The following VAMP4 variants were observed in gnomAD, a reference collection of about 807,000 sequenced individuals.
VAMP4 encodes vesicle-associated membrane protein 4.
Under a neutral mutation model 23.5 loss-of-function variants are expected in VAMP4, and 19 were observed. That is an observed-to-expected ratio of 0.81 (90% CI 0.56 to 1.19). VAMP4 has a LOEUF of 1.19. VAMP4 is among the 50% of genes most tolerant of loss of function. VAMP4 has a pLI of 0.00. For synonymous variants in VAMP4, 31 were observed against 51.0 expected (o/e 0.61, Z 1.67); for missense variants, 145 against 168.6 (o/e 0.86, Z 0.78).
At chr1:171,706,344 G>A (rs1280011301) in intron 7 of VAMP4, 23 bp downstream of exon 7, 1 of 1,595,264 alleles carries the variant, frequency 6.3e-7, no homozygotes, top group Non-Finnish European at 8.5e-7. Context: ...ACCCTAGGAA[G>A]TAATAATCCA....
At chr1:171,729,381 C>T (rs1195571810) in intron 2 of VAMP4, among the ~76,000 whole-genome samples, 2 of 152,116 alleles carry the variant, frequency 1.3e-5, no homozygotes, top group Admixed American at 1.3e-4. Flanking sequence ...TTCATAAAGA[C>T]CTTGAGTTTC....
In VAMP4 at chr1:171,719,240, C is replaced by G; in HGVS notation, c.114-19G>C. ...TCCCCTTCTGAAAACAAGTACATACCAAGTACATATTAGTAGTGACAGGAT... is the reference window on the plus strand; with the variant it reads ...TCCCCTTCTGAAAACAAGTACATACGAAGTACATATTAGTAGTGACAGGAT... On this transcript the variant is annotated intron_variant, in intron 3 of 7. Transcript: ENST00000236192. 6.2e-7 allele frequency: 1 copy of G among 1,600,860 alleles called. No individual in the cohort carries two copies. Among genetic ancestry groups the G allele is most frequent in the Non-Finnish European group, 8.5e-7 (1 of 1,170,810 alleles).
intron 2 of VAMP4, among the ~76,000 whole-genome samples, chr1:171,730,799 G>T (rs1471360698): frequency 6.6e-6 from 1 of 151,850 alleles, no homozygotes; most frequent in Non-Finnish European, 1.5e-5. Flanking sequence ...AGGCATAAGG[G>T]AATCTACCAT....
At chr1:171,731,422 T>TAA (rs199988521) in intron 2 of VAMP4, among the ~76,000 whole-genome samples, 5 of 140,402 alleles carry the variant, frequency 3.6e-5, no homozygotes, top group African/African-American at 1.3e-4. Flanking sequence ...ATAATAATAA[T>TAA]AATAAAAAAA....
At chr1:171,728,415 G>A (rs548170574) in intron 3 of VAMP4, 109 bp downstream of exon 3, 23 of 884,932 alleles carry the variant, frequency 2.6e-5, no homozygotes, top group Middle Eastern at 3.7e-4. Context: ...CATCTCTCAC[G>A]TATAAGGGAG....
At chr1:171,732,952 C>G (rs1004012471) in intron 2 of VAMP4, among the ~76,000 whole-genome samples, 3 of 151,890 alleles carry the variant, frequency 2.0e-5, no homozygotes, top group African/African-American at 7.3e-5. Context: ...ATATAAAAAG[C>G]TTTGACAAAC....
rs530282289 is a variant in VAMP4, at chr1:171,706,969, C to T, written c.346-551G>A. On this transcript the variant is annotated intron_variant, in intron 6 of 7. Coordinates refer to ENST00000236192, the MANE Select transcript of VAMP4 (RefSeq NM_003762.5). ...ATGTACATTAATTTGCCCTGTTAAA[C>T]GTGTGTTTGGCTTTACTTAAGAAGA... 1.1e-4 allele frequency among the ~76,000 whole-genome samples: 16 copies of T among 152,196 alleles called. No homozygotes were observed. The South Asian group carries it at 3.1e-3, about 30-fold the overall frequency.
chr1:171,706,125 T>G (rs1654642068), intron 7 of VAMP4, among the ~76,000 whole-genome samples: 1 of 152,008 alleles, frequency 6.6e-6, no homozygotes, highest in Non-Finnish European at 1.5e-5. Flanking sequence ...CCTTTGAGAA[T>G]CTGACAAAAG....
chr1:171,722,076 A>C (rs1655214605), intron 3 of VAMP4, among the ~76,000 whole-genome samples: 1 of 152,204 alleles, frequency 6.6e-6, no homozygotes, highest in Non-Finnish European at 1.5e-5. Context: ...AATGGAACAG[A>C]ATAGTGCCCT....
intron 3 of VAMP4, among the ~76,000 whole-genome samples, chr1:171,721,340 A>G (rs1451222995): frequency 1.3e-5 from 2 of 152,278 alleles, no homozygotes; most frequent in East Asian, 1.9e-4. Flanking sequence ...AAAGGCAAAC[A>G]TAGACGAGGA....
At chr1:171,712,623 A>G (rs572044866) in intron 4 of VAMP4, among the ~76,000 whole-genome samples, 101 of 152,322 alleles carry the variant, frequency 6.6e-4, no homozygotes, top group African/African-American at 2.2e-3. Flanking sequence ...AAGCTCAACA[A>G]AGTTGGGCAT....
At chr1:171,714,050 T>C (rs1464353334) in intron 4 of VAMP4, among the ~76,000 whole-genome samples, 2 of 152,186 alleles carry the variant, frequency 1.3e-5, no homozygotes, top group African/African-American at 2.4e-5. Context: ...TGCTTTGTCC[T>C]TCACACATTA....
chr1:171,710,911 CAG>C, intron 4 of VAMP4, 97 bp from the exon 5 acceptor site: 2 of 837,532 alleles, frequency 2.4e-6, no homozygotes, highest in Non-Finnish European at 1.8e-6. Context: ...AGCAAATTCT[CAG>C]AGAATTATTC....
chr1:171,729,962 GAGAC>G (rs896338999), intron 2 of VAMP4, among the ~76,000 whole-genome samples: 11 of 152,106 alleles, frequency 7.2e-5, no homozygotes, highest in Non-Finnish European at 1.3e-4. Context: ...GAGAGAGAGA[GAGAC>G]AGACAGACAG....
rs1200081446 is a variant in VAMP4, at chr1:171,703,371, T to TGAC, written c.*1132_*1134dup. Reference sequence around the variant, plus strand: ...CACTCTCTAGCATTTGGTTACCGACTGACTGATTATCATATGTGTGCGTGT... The same window carrying TGAC: ...CACTCTCTAGCATTTGGTTACCGACTGACGACTGATTATCATATGTGTGCGTGT... On this transcript the variant is annotated 3_prime_UTR_variant, in exon 8 of 8. Transcript: ENST00000236192. 2.1e-5 allele frequency: 3 copies of TGAC among 145,000 alleles called. No individual in the cohort carries two copies. Among genetic ancestry groups the TGAC allele is most frequent in the African/African-American group, 7.6e-5 (3 of 39,466 alleles). The allele number at this position is 145,000 out of a possible 1,614,324, so 9.0% of individuals were successfully genotyped here. A position where few individuals can be genotyped will look rare whatever the true frequency, so the allele number is the denominator to read the frequency against.
intron 3 of VAMP4, among the ~76,000 whole-genome samples, chr1:171,726,071 G>T (rs1164182672): frequency 6.6e-6 from 1 of 150,836 alleles, no homozygotes; most frequent in East Asian, 2.0e-4. Flanking sequence ...TTTTTGGGGG[G>T]GGCGAAGTAT....
chr1:171,723,963 C>G (rs889683247), intron 3 of VAMP4, among the ~76,000 whole-genome samples: 3 of 152,156 alleles, frequency 2.0e-5, no homozygotes, highest in African/African-American at 7.2e-5. Flanking sequence ...TCCCTCCATT[C>G]GGGGTCGCTG....
intron 2 of VAMP4, among the ~76,000 whole-genome samples, chr1:171,728,869 C>G (rs1056549016): frequency 1.3e-5 from 2 of 152,194 alleles, no homozygotes; most frequent in Admixed American, 1.3e-4. Context: ...AGCAAGTCCC[C>G]TCTCCTTCCT....
Position 171,704,461 on chromosome 1 carries a change from T to C in VAMP4, c.*45A>G, listed in dbSNP as rs1440410690. 1.3e-6 allele frequency: 2 copies of C among 1,511,902 alleles called. No individual in the cohort carries two copies. Among genetic ancestry groups the C allele is most frequent in the Admixed American group, 4.1e-5 (2 of 48,402 alleles). The allele number at this position is 1,511,902 out of a possible 1,614,324, so 93.7% of individuals were successfully genotyped here. ...TCATTTAAATTATGCAGCAATCTTT[T>C]ATTACTGTCCCAGATCTTGTTTAAT... On this transcript the variant is annotated 3_prime_UTR_variant, in exon 8 of 8. Transcript: ENST00000236192.
Sources: gnomAD v4.1 joint callset for allele counts (sites outside exome capture counted in the v4.1 genomes callset) on GRCh38, gnomAD v4.1.1 for gene constraint, MANE v1.5 for transcripts, NCBI Gene and HGNC (gene_info 2026-07-23, HGNC 2026-07-21) for gene names.